The following CFAP251 variants were observed in gnomAD, a reference collection of about 807,000 sequenced individuals.
CFAP251 encodes cilia- and flagella-associated protein 251.
A neutral mutation model predicts 126.7 loss-of-function variants in CFAP251; 93 were observed. The ratio of observed to expected loss-of-function variants is 0.73; its 90% CI spans 0.62 to 0.87. CFAP251 has a LOEUF of 0.87. Ranked by LOEUF, CFAP251 falls within the 40% of genes least tolerant of loss-of-function variation. The pLI, the probability that CFAP251 is intolerant of heterozygous loss-of-function variation, is 0.00. For missense variants in CFAP251, 1,287 were observed against 1,389.2 expected (o/e 0.93, Z 1.17); for synonymous variants, 503 against 506.9 (o/e 0.99, Z 0.10).
intron 2 of CFAP251, among the ~76,000 whole-genome samples, chr12:121,922,020 C>CATG (rs1423683054): frequency 6.6e-6 from 1 of 151,822 alleles, no homozygotes; most frequent in African/African-American, 2.4e-5. Flanking sequence ...GTCTCAAATG[C>CATG]ATGATCTCAA....
rs745334948 is a variant in CFAP251 at position 121,923,753 on chromosome 12, G to C, written c.510G>C (p.Gln170His). 2 of 1,610,518 alleles carry C rather than the reference G, an allele frequency of 1.2e-6. No individual in the cohort carries two copies. Among genetic ancestry groups the C allele is most frequent in the African/African-American group, 2.7e-5 (2 of 74,690 alleles). The change falls in exon 3 of 22, where the codon CAG becomes CAC. Residue 170 changes from glutamine to histidine, a missense_variant. By Grantham distance (24) the Gln-to-His change is conservative. Transcript: ENST00000288912. ...DLDQISPEEQ[Q>H]ISSPERQPSG... ...ATCAAATCAGTCCTGAGGAACAACA[G>C]ATTAGTTCCCCTGAAAGGCAGCCCT...
At chr12:121,987,788 G>GAGAAGAA (rs1448415227) in intron 19 of CFAP251, among the ~76,000 whole-genome samples, 5 of 151,738 alleles carry the variant, frequency 3.3e-5, no homozygotes, top group Admixed American at 3.3e-4. Context: ...GGCCTAGAGA[G>GAGAAGAA]AGAAGAAAGA....
Position 121,945,966 on chromosome 12 carries a change from A to G in CFAP251, c.1191+2991A>G, listed in dbSNP as rs534334431. On this transcript the variant is annotated intron_variant, in intron 7 of 21. Transcript: ENST00000288912. ...CAGGCGTGAGCCACCATGCCTGGCC[A>G]TATTTTTAAATAATTAAAATATTAC... Among the ~76,000 whole-genome samples, 6 of 152,316 alleles carry G rather than the reference A, an allele frequency of 3.9e-5. 1 individual carries two copies. The South Asian group carries it at 1.2e-3, about 32-fold the overall frequency.
intron 21 of CFAP251, among the ~76,000 whole-genome samples, chr12:122,002,661 T>C (rs1883175514): frequency 6.6e-6 from 1 of 152,206 alleles, no homozygotes; most frequent in African/African-American, 2.4e-5. Context: ...CATCCTCCTG[T>C]CCCTTCCTGC....
intron 2 of CFAP251, 149 bp from the exon 3 acceptor site, chr12:121,923,473 A>T: frequency 9.3e-7 from 1 of 1,078,550 alleles, no homozygotes; most frequent in Non-Finnish European, 1.3e-6. Context: ...TTTGTTTTTT[A>T]AGTACAAAAT....
At chr12:121,948,728 AAAAAG>A in intron 7 of CFAP251, 1 of 262,446 alleles carries the variant, frequency 3.8e-6, no homozygotes, top group Non-Finnish European at 7.2e-6. Flanking sequence ...TCAAAAAAAA[AAAAAG>A]AAAAGCTTAT....
chr12:121,946,585 TTTTTG>T (rs969019334), intron 7 of CFAP251, among the ~76,000 whole-genome samples: 2 of 151,850 alleles, frequency 1.3e-5, no homozygotes, highest in African/African-American at 2.4e-5. Context: ...TTCAGCAGGG[TTTTTG>T]TTTTGTTTTG....
chr12:121,922,401 A>G (rs1342294992), intron 2 of CFAP251, among the ~76,000 whole-genome samples: 4 of 152,076 alleles, frequency 2.6e-5, no homozygotes, highest in Non-Finnish European at 5.9e-5. Context: ...CCTGGCCACA[A>G]TCCATTCTTT....
intron 2 of CFAP251, among the ~76,000 whole-genome samples, chr12:121,922,606 A>G (rs1880231346): frequency 6.6e-6 from 1 of 152,046 alleles, no homozygotes; most frequent in Non-Finnish European, 1.5e-5. Flanking sequence ...GGCTTCCCAC[A>G]GACTGCTCCC....
chr12:121,996,075 G>A (rs1310674495), intron 19 of CFAP251, among the ~76,000 whole-genome samples: 1 of 152,168 alleles, frequency 6.6e-6, no homozygotes, highest in Non-Finnish European at 1.5e-5. Context: ...TGGTAGCTTG[G>A]CAGTGCTGCA....
At chr12:121,933,927 T>A (rs763604168) in intron 4 of CFAP251, among the ~76,000 whole-genome samples, 2 of 152,134 alleles carry the variant, frequency 1.3e-5, no homozygotes, top group Non-Finnish European at 2.9e-5. Context: ...GCCGGCAGCG[T>A]GACTCAGAGT....
intron 19 of CFAP251, among the ~76,000 whole-genome samples, chr12:121,986,978 G>A (rs1882764161): frequency 1.3e-5 from 2 of 152,044 alleles, no homozygotes; most frequent in Admixed American, 1.3e-4. Context: ...AGATAAACAA[G>A]CAAATCCCCC....
intron 5 of CFAP251, among the ~76,000 whole-genome samples, chr12:121,938,171 A>ATT (rs564574475): frequency 3.5e-5 from 5 of 143,498 alleles, no homozygotes; most frequent in African/African-American, 7.7e-5. Context: ...AGCCTGGCTA[A>ATT]TTTTTTTTTT....
chr12:121,940,196 A>G (rs1881054915), intron 5 of CFAP251, among the ~76,000 whole-genome samples: 1 of 152,228 alleles, frequency 6.6e-6, no homozygotes, highest in African/African-American at 2.4e-5. Context: ...TAAACATTAC[A>G]AATTCCTAAA....
chr12:121,958,636 G>A, intron 12 of CFAP251, 114 bp downstream of exon 12: 2 of 1,490,022 alleles, frequency 1.3e-6, no homozygotes, highest in South Asian at 1.3e-5. Context: ...CCCCCAGCAG[G>A]CTGGATGAGG....
chr12:121,967,066 CA>C lies in CFAP251; in HGVS notation c.2606del (p.Lys869ArgfsTer55). On this transcript the variant is annotated frameshift_variant and splice_region_variant, in exon 16 of 22. Coordinates refer to ENST00000288912, the MANE Select transcript of CFAP251 (RefSeq NM_144668.6). LOFTEE classifies it high-confidence loss of function. ...KRYLVFINRD[K>X]VGLQILPVDG... Reference sequence around the variant, plus strand: ...GCTACTTGGTGTTTATTAACAGAGACAAGGTAACAGCGCTCTCTTCTCCAGT... The same window carrying C: ...GCTACTTGGTGTTTATTAACAGAGACAGGTAACAGCGCTCTCTTCTCCAGT... 1 of 1,613,644 alleles carries C rather than the reference CA, an allele frequency of 6.2e-7. No individual in the cohort carries two copies. Among genetic ancestry groups the C allele is most frequent in the Non-Finnish European group, 8.5e-7 (1 of 1,179,536 alleles).
At chr12:121,985,503 T>G (rs1882724374) in intron 19 of CFAP251, among the ~76,000 whole-genome samples, 1 of 126,720 alleles carries the variant, frequency 7.9e-6, no homozygotes, top group African/African-American at 3.2e-5. Context: ...CACCATACTC[T>G]CCAGCCTGGG....
chr12:121,999,630 C>T, intron 19 of CFAP251, 86 bp from the exon 20 acceptor site: 1 of 1,050,236 alleles, frequency 9.5e-7, no homozygotes. Context: ...GCCGCTGCAC[C>T]AGCCCTACTG....
At chr12:121,951,590 C>G (rs1454538885) in intron 9 of CFAP251, 60 bp downstream of exon 9, 2 of 1,279,922 alleles carry the variant, frequency 1.6e-6, no homozygotes, top group East Asian at 2.4e-5. Flanking sequence ...TATTTATGTG[C>G]AAGCTTAGCT....
Sources: allele counts gnomAD v4.1 joint callset (sites outside exome capture counted in the v4.1 genomes callset), GRCh38; gene constraint gnomAD v4.1.1; transcripts MANE v1.5; gene names NCBI Gene and HGNC (gene_info 2026-07-23, HGNC 2026-07-21).